RALGDS: variants seen among roughly 807,000 people sequenced by gnomAD.
RALGDS encodes the protein ral guanine nucleotide exchange factor.
A neutral mutation model predicts 99.8 loss-of-function variants in RALGDS; 44 were observed. The observed-to-expected ratio is 0.44, with a 90% confidence interval of 0.35 to 0.57. The LOEUF is 0.57. Ranked by LOEUF, RALGDS falls within the 20% of genes least tolerant of loss-of-function variation. The probability of loss-of-function intolerance (pLI) is 0.01; values close to 1 mark genes in which losing one functional copy is unlikely to be tolerated. For missense variants in RALGDS, 1,022 were observed against 1,203.1 expected (o/e 0.85, Z 2.23); for synonymous variants, 529 against 505.0 (o/e 1.05, Z -0.64).
At position 133,100,281 on chromosome 9, in the gene RALGDS, G is replaced by A. The variant is rs1315395369; in HGVS notation, c.2556C>T (p.Leu852=). ...EPEDYELLQI[L]SDDRKLKIPE... ...CTTCTGACTTACTCCGGTCATCTGA[G>A]AGAATCTGCAGCAGCTCATAGTCCT... is the stretch of plus-strand genomic sequence containing the variant. Residue 852 remains leucine, a synonymous_variant, in exon 17 of 18, where the codon CTC becomes CTT. Coordinates refer to ENST00000372050, the MANE Select transcript of RALGDS (RefSeq NM_006266.4). 5 of 1,614,214 alleles carry A rather than the reference G, an allele frequency of 3.1e-6. No homozygotes were observed. The East Asian group carries it at 6.7e-5, about 22-fold the overall frequency.
chr9:133,130,880 C>T, intron 1 of RALGDS: 1 of 1,410,998 alleles, frequency 7.1e-7, no homozygotes. Context: ...CCAGAACACT[C>T]AGAGCCCCAA....
chr9:133,100,486 A>C, intron 16 of RALGDS, 104 bp from the exon 17 acceptor site: 2 of 1,596,884 alleles, frequency 1.3e-6, no homozygotes, highest in Non-Finnish European at 1.7e-6. Context: ...CACCAAGCAC[A>C]GGCACTCACA....
chr9:133,127,627 C>T (rs763857581), intron 1 of RALGDS, among the ~76,000 whole-genome samples: 6 of 152,230 alleles, frequency 3.9e-5, no homozygotes, highest in Non-Finnish European at 8.8e-5. Context: ...GCAGCTGGAC[C>T]ACGCGTGGGA....
chr9:133,101,697 G>C lies in RALGDS; in HGVS notation c.2277C>G (p.Thr759=), dbSNP rs1588509034. ...TSGISSASSS[T]SSSSASTTPV... ...GCGTGGTGGAGGCTGAGGAGGACGA[G>C]GTGCTGCTGGAGGCTGAGCTGATGC... The change falls in exon 16 of 18, where the codon ACC becomes ACG. Residue 759 remains threonine (T), a synonymous_variant. Transcript: ENST00000372050. 3 of 1,613,988 alleles carry C rather than the reference G, an allele frequency of 1.9e-6. No homozygotes were observed. The highest frequency in any genetic ancestry group is 2.5e-6 in the Non-Finnish European group (3 of 1,179,976).
chr9:133,134,090 C>T (rs117774460), upstream of RALGDS, among the ~76,000 whole-genome samples: 1 of 152,222 alleles, frequency 6.6e-6, no homozygotes, highest in South Asian at 2.1e-4. Flanking sequence ...CTCCCCTCCC[C>T]CTGGCTTCTG....
chr9:133,112,275 C>G (rs1443177967), intron 1 of RALGDS, 123 bp from the exon 2 acceptor site: 1 of 705,950 alleles, frequency 1.4e-6, no homozygotes, highest in Admixed American at 2.0e-5. Flanking sequence ...CTGCACAGAC[C>G]TACAGCCTGG....
chr9:133,103,083 C>T, intron 12 of RALGDS, 147 bp downstream of exon 12: 1 of 1,350,394 alleles, frequency 7.4e-7, no homozygotes, highest in Non-Finnish European at 1.0e-6. Flanking sequence ...CCTACCCTCA[C>T]CCTCCAGTGG....
intron 6 of RALGDS, among the ~76,000 whole-genome samples, chr9:133,107,537 C>A (rs906597259): frequency 1.3e-5 from 2 of 152,208 alleles, no homozygotes; most frequent in Non-Finnish European, 2.9e-5. Flanking sequence ...GCCCACCCCC[C>A]ATCCCCCCGC....
intron 4 of RALGDS, 84 bp from the exon 5 acceptor site, chr9:133,108,950 T>C: frequency 2.2e-6 from 3 of 1,357,950 alleles, no homozygotes; most frequent in East Asian, 2.5e-5. Flanking sequence ...CCTGTCCATC[T>C]GAAGGCCACC....
chr9:133,098,600 T>C lies in RALGDS; in HGVS notation c.2732A>G (p.Lys911Arg), dbSNP rs764693552. The change falls in exon 18 of 18, where the codon AAG (lysine) becomes AGG (arginine). Residue 911 changes from lysine (K) to arginine (R), a missense_variant. Transcript: ENST00000372050. ...RMKQKGLKIA[K>R]GIF ...GGGAGGATGCCCTCAGAAGATGCCC[T>C]TGGCAATCTTGAGTCCTTTCTGCTT... 26 of 1,613,996 alleles carry C rather than the reference T, an allele frequency of 1.6e-5. No homozygotes were observed. The Middle Eastern group carries it at 8.2e-4, about 51-fold the overall frequency.
rs1430204502 is a variant in RALGDS, at chr9:133,100,302, G to A, written c.2535C>T (p.Asp845=). The A allele has an allele frequency of 1.9e-6, 3 of 1,614,204 alleles. No homozygotes were observed. Among genetic ancestry groups the A allele is most frequent in the Non-Finnish European group, 2.5e-6 (3 of 1,180,024 alleles). The change falls in exon 17 of 18, where the codon GAC becomes GAT. Residue 845 remains aspartate, a synonymous_variant. Coordinates refer to ENST00000372050, the MANE Select transcript of RALGDS (RefSeq NM_006266.4). ...CTGAGAGAATCTGCAGCAGCTCATA[G>A]TCCTCCGGCTCCTCCTCCTCCAGGT... is the stretch of plus-strand genomic sequence containing the variant. ...KHNLEEEEPE[D]YELLQILSDD...
At position 133,101,045 on chromosome 9, in the gene RALGDS, C is replaced by T. The variant is rs1830731197; in HGVS notation, c.2454+475G>A. On this transcript the variant is annotated intron_variant, in intron 16 of 17. Transcript: ENST00000372050. ...GGCAAACCCATTCTGTGAGCAATTCCCATCTGCTGTCTCCAAATCCTGTCT... is the reference window on the plus strand; with the variant it reads ...GGCAAACCCATTCTGTGAGCAATTCTCATCTGCTGTCTCCAAATCCTGTCT... The T allele has an allele frequency of 3.7e-6, 4 of 1,072,152 alleles. 1 individual carries two copies. The highest frequency in any genetic ancestry group is 4.5e-6 in the Non-Finnish European group (4 of 881,508). 66.4% of individuals were successfully genotyped at this position (1,072,152 alleles called of 1,614,324 possible). A position where few individuals can be genotyped will look rare whatever the true frequency, so the allele number is the denominator to read the frequency against.
upstream of RALGDS, among the ~76,000 whole-genome samples, chr9:133,123,127 C>T (rs976769623): frequency 1.3e-5 from 2 of 152,002 alleles, no homozygotes; most frequent in African/African-American, 4.8e-5. Flanking sequence ...AGGCGTATTT[C>T]GAGGCAGGAG....
At chr9:133,107,374 GC>G (rs1831117755) in intron 6 of RALGDS, 74 bp from the exon 7 acceptor site, 1 of 1,332,566 alleles carries the variant, frequency 7.5e-7, no homozygotes, top group Non-Finnish European at 1.1e-6. Flanking sequence ...TGAGGATGCA[GC>G]TTGAGCCTTG....
At chr9:133,108,619 C>T in intron 5 of RALGDS, 54 bp downstream of exon 5, 2 of 1,601,626 alleles carry the variant, frequency 1.2e-6, no homozygotes, top group Non-Finnish European at 1.7e-6. Context: ...TTCGTGTGGC[C>T]CAGCACCGAC....
intron 1 of RALGDS, among the ~76,000 whole-genome samples, chr9:133,113,339 G>A (rs1234041233): frequency 2.6e-5 from 4 of 152,188 alleles, no homozygotes; most frequent in South Asian, 2.1e-4. Context: ...TGCTGTGGAC[G>A]GGACCCTGGC....
chr9:133,149,024 G>C lies in RALGDS; in HGVS notation c.-44C>G, dbSNP rs756603662. ...ATCGCCGGCCCCAGGGCGGGACCCGGGGCTCGCAGAGGCCGCTCGCCTGGG... is the reference window on the plus strand; with the variant it reads ...ATCGCCGGCCCCAGGGCGGGACCCGCGGCTCGCAGAGGCCGCTCGCCTGGG... On this transcript the variant is annotated 5_prime_UTR_variant, in exon 1 of 18. Coordinates refer to the RALGDS transcript ENST00000393160. 13 of 1,524,824 alleles carry C rather than the reference G, an allele frequency of 8.5e-6. No individual in the cohort carries two copies. The African/African-American group carries it at 1.8e-4, about 22-fold the overall frequency. 94.5% of individuals were successfully genotyped at this position (1,524,824 alleles called of 1,614,324 possible). A position where few individuals can be genotyped will look rare whatever the true frequency, so the allele number is the denominator to read the frequency against.
chr9:133,103,114 G>C (rs531538032), intron 12 of RALGDS, 116 bp downstream of exon 12: 18 of 1,449,936 alleles, frequency 1.2e-5, no homozygotes, highest in African/African-American at 2.8e-5. Flanking sequence ...CCTTCTCTCT[G>C]TGTCCAAATG....
chr9:133,099,598 A>C (rs965428829), intron 17 of RALGDS: 7 of 155,276 alleles, frequency 4.5e-5, no homozygotes, highest in African/African-American at 1.7e-4. Context: ...ACACATATAC[A>C]TGCATATATA....
Sources: gnomAD v4.1 joint callset for allele counts (sites outside exome capture counted in the v4.1 genomes callset) on GRCh38, gnomAD v4.1.1 for gene constraint, MANE v1.5 for transcripts, NCBI Gene and HGNC (gene_info 2026-07-23, HGNC 2026-07-21) for gene names.